Variants in PTPRT observed in about 807,000 individuals in gnomAD.
PTPRT encodes receptor-type tyrosine-protein phosphatase T.
A neutral mutation model predicts 176.8 loss-of-function variants in PTPRT; 56 were observed. That is an observed-to-expected ratio of 0.32 (90% CI 0.26 to 0.40). PTPRT has a LOEUF of 0.40. PTPRT is among the 10% of genes least tolerant of loss of function. The pLI, the probability that PTPRT is intolerant of heterozygous loss-of-function variation, is 1.00. For synonymous variants in PTPRT, 783 were observed against 739.0 expected, an observed-to-expected ratio of 1.06 and a Z score of -0.96; for missense variants, 1,540 against 1,908.2, an observed-to-expected ratio of 0.81 and a Z score of 3.60.
intron 18 of PTPRT, among the ~76,000 whole-genome samples, chr20:42,141,217 C>A (rs1436700035): frequency 6.6e-6 from 1 of 152,170 alleles, no homozygotes; most frequent in Non-Finnish European, 1.5e-5. Flanking sequence ...CTCAGAGCCC[C>A]TGCCCTACTA....
At chr20:42,537,948 A>G (rs2072505852) in intron 7 of PTPRT, among the ~76,000 whole-genome samples, 2 of 152,196 alleles carry the variant, frequency 1.3e-5, no homozygotes, top group Admixed American at 6.5e-5. Context: ...TGATTCTCTA[A>G]TAGATCTCTG....
intron 12 of PTPRT, among the ~76,000 whole-genome samples, chr20:42,309,680 A>T (rs1427338594): frequency 1.3e-5 from 2 of 152,218 alleles, no homozygotes; most frequent in Non-Finnish European, 2.9e-5. Flanking sequence ...TAAGTGAGGA[A>T]ACAGATTCAT....
chr20:42,680,809 G>C (rs2075590092), intron 6 of PTPRT, among the ~76,000 whole-genome samples: 2 of 152,172 alleles, frequency 1.3e-5, no homozygotes, highest in South Asian at 4.1e-4. Flanking sequence ...TTCTTTTCAT[G>C]TATTTCTAAT....
At chr20:42,183,620 C>G (rs933924202) in intron 16 of PTPRT, among the ~76,000 whole-genome samples, 1 of 152,196 alleles carries the variant, frequency 6.6e-6, no homozygotes, top group East Asian at 1.9e-4. Flanking sequence ...TTTCCCACCT[C>G]TATGCCCCTG....
At chr20:42,790,984 A>G (rs763087516) in intron 3 of PTPRT, among the ~76,000 whole-genome samples, 1 of 152,202 alleles carries the variant, frequency 6.6e-6, no homozygotes, top group Non-Finnish European at 1.5e-5. Context: ...TTGTTATTTT[A>G]TCTACATATC....
intron 27 of PTPRT, among the ~76,000 whole-genome samples, chr20:42,094,440 T>C (rs1984979996): frequency 6.6e-6 from 1 of 152,306 alleles, no homozygotes; most frequent in African/African-American, 2.4e-5. Flanking sequence ...CTTTCTTTTT[T>C]TGACAGGGTC....
At chr20:43,110,522 G>A (rs1345221846) in intron 1 of PTPRT, among the ~76,000 whole-genome samples, 1 of 152,216 alleles carries the variant, frequency 6.6e-6, no homozygotes, top group East Asian at 1.9e-4. Flanking sequence ...GTAACAGGGA[G>A]GGGACAGAGG....
chr20:42,248,843 A>C (rs748144406), intron 13 of PTPRT, 21 bp from the exon 14 acceptor site: 1 of 1,611,300 alleles, frequency 6.2e-7, no homozygotes, highest in South Asian at 1.1e-5. Flanking sequence ...AAAGGGAAGG[A>C]TAGCAATGTT....
intron 7 of PTPRT, among the ~76,000 whole-genome samples, chr20:42,505,359 C>T (rs567345830): frequency 3.3e-4 from 50 of 152,118 alleles, no homozygotes; most frequent in South Asian, 8.3e-4. Flanking sequence ...TGGAGTGCAG[C>T]GGCGTGATGT....
chr20:42,595,063 G>A (rs544915751), intron 7 of PTPRT, among the ~76,000 whole-genome samples: 12 of 152,106 alleles, frequency 7.9e-5, no homozygotes, highest in African/African-American at 2.7e-4. Context: ...CTAGGGGCTC[G>A]TACCACTTGG....
At chr20:42,764,381 G>T (rs2076955418) in intron 5 of PTPRT, among the ~76,000 whole-genome samples, 1 of 151,968 alleles carries the variant, frequency 6.6e-6, no homozygotes, top group Non-Finnish European at 1.5e-5. Context: ...AATTCCAAGG[G>T]CATTTTATTT....
chr20:42,479,579 T>C (rs1248959536), intron 7 of PTPRT, among the ~76,000 whole-genome samples: 4 of 152,232 alleles, frequency 2.6e-5, no homozygotes, highest in Non-Finnish European at 5.9e-5. Flanking sequence ...CCCACTCTCT[T>C]GCTTATTTTC....
intron 28 of PTPRT, 84 bp from the exon 29 acceptor site, chr20:42,084,929 T>G (rs1269401675): frequency 8.2e-7 from 1 of 1,221,906 alleles, no homozygotes; most frequent in African/African-American, 1.5e-5. Context: ...GACTGCAGCA[T>G]CATGGTGGAA....
At chr20:42,674,611 T>A (rs929296524) in intron 7 of PTPRT, among the ~76,000 whole-genome samples, 3 of 152,216 alleles carry the variant, frequency 2.0e-5, no homozygotes, top group Non-Finnish European at 2.9e-5. Flanking sequence ...TGGATGAATA[T>A]TGCATTGCAA....
At chr20:42,165,528 G>A (rs928094226) in intron 16 of PTPRT, among the ~76,000 whole-genome samples, 2 of 152,160 alleles carry the variant, frequency 1.3e-5, no homozygotes, top group African/African-American at 4.8e-5. Flanking sequence ...CCACCTCTGT[G>A]TCTCTTGCCA....
chr20:43,131,227 C>T (rs2013637411), intron 1 of PTPRT, among the ~76,000 whole-genome samples: 2 of 152,238 alleles, frequency 1.3e-5, no homozygotes, highest in Admixed American at 1.3e-4. Flanking sequence ...CCCCACACCA[C>T]TGTGCTGAGC....
chr20:42,309,566 T>G (rs1444820262), intron 12 of PTPRT, among the ~76,000 whole-genome samples: 2 of 152,356 alleles, frequency 1.3e-5, no homozygotes, highest in Non-Finnish European at 2.9e-5. Flanking sequence ...GAATGGAAAT[T>G]CAGACTGTAC....
intron 7 of PTPRT, among the ~76,000 whole-genome samples, chr20:42,528,089 A>G (rs574997762): frequency 2.0e-5 from 3 of 152,054 alleles, no homozygotes; most frequent in South Asian, 2.1e-4. Context: ...CTAAATTTGA[A>G]CCATTTTCCA....
chr20:42,465,149 A>G (rs17327435), intron 8 of PTPRT, among the ~76,000 whole-genome samples: 1 of 151,760 alleles, frequency 6.6e-6, no homozygotes, highest in Admixed American at 6.6e-5. Flanking sequence ...ATAGAAAAAA[A>G]AACACTCTTT....
Sources: allele counts gnomAD v4.1 joint callset (sites outside exome capture counted in the v4.1 genomes callset), GRCh38; gene constraint gnomAD v4.1.1; transcripts MANE v1.5; gene names NCBI Gene and HGNC (gene_info 2026-07-23, HGNC 2026-07-21).